The following RTCA variants were observed in gnomAD, a reference collection of about 807,000 sequenced individuals.
The protein encoded by RTCA is RNA 3'-terminal phosphate cyclase.
RTCA carries 37 observed loss-of-function variants against 46.1 expected under a neutral mutation model. The ratio of observed to expected loss-of-function variants is 0.80; its 90% CI spans 0.62 to 1.06. RTCA has a LOEUF of 1.06. Ranked by LOEUF, RTCA falls within the 50% of genes least tolerant of loss-of-function variation. The pLI, the probability that RTCA is intolerant of heterozygous loss-of-function variation, is 0.00. For synonymous variants in RTCA, 164 were observed against 158.3 expected, an observed-to-expected ratio of 1.04 and a Z score of -0.27; for missense variants, 435 against 455.5, an observed-to-expected ratio of 0.95 and a Z score of 0.41.
rs994152218 is a variant in RTCA, at chr1:100,272,893, C to T, written c.415-501C>T. On this transcript the variant is annotated intron_variant, in intron 4 of 10. Coordinates refer to ENST00000370128, the MANE Select transcript of RTCA (RefSeq NM_003729.4). The stretch of plus-strand genomic sequence containing the variant: ...ATCTAATAATGAAAACTTGGAGAAC[C>T]GTTAAGTCAATTAGGCTAGGATGCC... Among the ~76,000 whole-genome samples, 4 of 151,918 alleles carry T rather than the reference C, an allele frequency of 2.6e-5. No homozygotes were observed. The East Asian group carries it at 5.8e-4, about 22-fold the overall frequency.
chr1:100,283,939 A>G (rs1557979402), intron 8 of RTCA, among the ~76,000 whole-genome samples: 2 of 143,850 alleles, frequency 1.4e-5, no homozygotes, highest in East Asian at 4.0e-4. Flanking sequence ...AAAAAAGAAA[A>G]AAAAAAAAAA....
intron 10 of RTCA, among the ~76,000 whole-genome samples, chr1:100,290,534 G>A (rs890681127): frequency 2.6e-5 from 4 of 152,202 alleles, no homozygotes; most frequent in African/African-American, 9.6e-5. Context: ...GCTTTAGGAA[G>A]CTGACGCAGG....
At position 100,291,295 on chromosome 1, in the gene RTCA, T is replaced by C. The variant is rs568951486; in HGVS notation, c.1000-108T>C. The C allele has an allele frequency of 1.9e-4, 123 of 657,876 alleles. No homozygotes were observed. In the African/African-American group the frequency reaches 2.2e-3, roughly 12 times the overall value. 40.8% of individuals were successfully genotyped at this position (657,876 alleles called of 1,614,324 possible). A position where few individuals can be genotyped will look rare whatever the true frequency, so the allele number is the denominator to read the frequency against. On this transcript the variant is annotated intron_variant, in intron 10 of 10. Transcript: ENST00000370128. ...TTGATCTTTGTGTCTCTGTAGGTTT[T>C]TCAATAAAATGGGCTTGACATTAAC...
intron 3 of RTCA, among the ~76,000 whole-genome samples, chr1:100,269,803 A>G (rs1048225308): frequency 1.3e-5 from 2 of 152,046 alleles, no homozygotes; most frequent in African/African-American, 4.8e-5. Flanking sequence ...CCCTGCATGC[A>G]TTAGGTATTT....
intron 3 of RTCA, among the ~76,000 whole-genome samples, chr1:100,269,568 G>A (rs183993454): frequency 1.0e-3 from 157 of 152,050 alleles, no homozygotes; most frequent in African/African-American, 3.2e-3. Context: ...TCCTGGGCTC[G>A]AGTGATCATC....
Position 100,266,643 on chromosome 1 carries a change from G to C in RTCA, c.146+19G>C. On this transcript the variant is annotated intron_variant, in intron 2 of 10. Transcript: ENST00000370128. ...GCCTGAGGTAAATCTGGCTGGAGGG[G>C]GAGTTGGGCCGTGAAGCTGGGGGAT... 1.3e-6 allele frequency: 2 copies of C among 1,591,412 alleles called. No individual in the cohort carries two copies. Among genetic ancestry groups the C allele is most frequent in the Non-Finnish European group, 1.7e-6 (2 of 1,166,232 alleles).
chr1:100,291,457 T>C lies in RTCA; in HGVS notation c.1054T>C (p.Tyr352His). The change falls in exon 11 of 11, where the codon TAT becomes CAT. Residue 352 changes from tyrosine (Y) to histidine (H), a missense_variant. By Grantham distance (83) the Tyr-to-His change is moderately conservative (BLOSUM62 2). Coordinates refer to ENST00000370128, the MANE Select transcript of RTCA (RefSeq NM_003729.4). ...EDEEDAAKDT[Y>H]IIECQGIGMT... ...TGAAGAAGACGCCGCTAAAGATACT[T>C]ATATTATTGAATGCCAAGGAATTGG... 9.3e-6 allele frequency: 15 copies of C among 1,612,502 alleles called. No individual in the cohort carries two copies. Among genetic ancestry groups the C allele is most frequent in the Non-Finnish European group, 1.3e-5 (15 of 1,179,362 alleles).
chr1:100,281,258 A>G (rs190622705), intron 8 of RTCA: 220 of 534,034 alleles, frequency 4.1e-4, no homozygotes, highest in African/African-American at 4.1e-3. Flanking sequence ...TTTATTTTAA[A>G]ACGGTGAGAT....
chr1:100,269,202 AAAG>A (rs1222854755), intron 3 of RTCA, among the ~76,000 whole-genome samples: 1 of 151,958 alleles, frequency 6.6e-6, no homozygotes, highest in Non-Finnish European at 1.5e-5. Flanking sequence ...TGTCTCAAAA[AAAG>A]AAAAGATAAT....
rs150551481 is a variant in RTCA, at chr1:100,281,167, G to C, written c.799+3851G>C. The C allele has an allele frequency of 1.3e-3, 671 of 525,938 alleles. 6 individuals are homozygous for C. Among genetic ancestry groups the C allele is most frequent in the African/African-American group, 0.012 (619 of 51,718 alleles). 32.6% of individuals were successfully genotyped at this position (525,938 alleles called of 1,614,324 possible). A position where few individuals can be genotyped will look rare whatever the true frequency, so the allele number is the denominator to read the frequency against. The stretch of plus-strand genomic sequence containing the variant: ...TTGTCTCAGTTACTATAACCATTTT[G>C]ATCTTAGTTTCCTTATATGTTGAGC... On this transcript the variant is annotated intron_variant, in intron 8 of 10. Coordinates refer to ENST00000370128, the MANE Select transcript of RTCA (RefSeq NM_003729.4).
chr1:100,268,295 GGTAT>G lies in RTCA; in HGVS notation c.290+5_290+8del. On this transcript the variant is annotated splice_donor_variant and splice_donor_region_variant and intron_variant, in intron 3 of 10. Transcript: ENST00000370128. LOFTEE classifies it high-confidence loss of function. Reference sequence around the variant, plus strand: ...CACACAGCAGATACCAAGACAGCAGGGTATGTATCACTTAACATTCCATTTAAGT... The same window carrying G: ...CACACAGCAGATACCAAGACAGCAGGGTATCACTTAACATTCCATTTAAGT... The G allele has an allele frequency of 6.2e-7, 1 of 1,605,040 alleles. No individual in the cohort carries two copies. Among genetic ancestry groups the G allele is most frequent in the Non-Finnish European group, 8.5e-7 (1 of 1,174,682 alleles).
At chr1:100,277,371 T>G in intron 8 of RTCA, 55 bp downstream of exon 8, 6 of 1,441,512 alleles carry the variant, frequency 4.2e-6, no homozygotes, top group Non-Finnish European at 5.7e-6. Flanking sequence ...AATTCTTTAA[T>G]CCATCAGGAT....
intron 4 of RTCA, 56 bp downstream of exon 4, chr1:100,270,736 C>T (rs1666042609): frequency 6.3e-7 from 1 of 1,584,536 alleles, no homozygotes; most frequent in Admixed American, 1.8e-5. Context: ...TTCTGAGTCT[C>T]CATTCTCTAA....
Position 100,277,313 on chromosome 1 carries a change from CGAG to C in RTCA, c.798_799+1del. ...GTTTGCTGGATCATCGCTTGGTAAACGAGGTAAGATAAATGAAGGGGGTCCATA... is the reference window on the plus strand; with the variant it reads ...GTTTGCTGGATCATCGCTTGGTAAACGTAAGATAAATGAAGGGGGTCCATA... On this transcript the variant is annotated inframe_deletion and splice_region_variant, in exon 8 of 11. Transcript: ENST00000370128. The C allele has an allele frequency of 6.2e-7, 1 of 1,610,128 alleles. No individual in the cohort carries two copies. Among genetic ancestry groups the C allele is most frequent in the Non-Finnish European group, 8.5e-7 (1 of 1,178,436 alleles).
intron 8 of RTCA, 23 bp from the exon 9 acceptor site, chr1:100,285,205 T>C: frequency 6.3e-7 from 1 of 1,576,328 alleles, no homozygotes; most frequent in Non-Finnish European, 8.7e-7. Context: ...TTTGTTTTGT[T>C]TTAATGTTGT....
chr1:100,281,186 G>T (rs1666684627), intron 8 of RTCA: 2 of 530,092 alleles, frequency 3.8e-6, no homozygotes, highest in Non-Finnish European at 7.7e-6. Flanking sequence ...TTCCTTATAT[G>T]TTGAGCAAGA....
intron 3 of RTCA, among the ~76,000 whole-genome samples, chr1:100,268,801 G>A (rs1040217918): frequency 1.3e-5 from 2 of 152,128 alleles, no homozygotes; most frequent in Non-Finnish European, 2.9e-5. Flanking sequence ...TCTGTCTTTT[G>A]ATAGCTAAGA....
chr1:100,278,967 A>G (rs1666544864), intron 8 of RTCA, among the ~76,000 whole-genome samples: 1 of 152,200 alleles, frequency 6.6e-6, no homozygotes, highest in African/African-American at 2.4e-5. Context: ...GGTACTTTTA[A>G]TGTATACTGA....
chr1:100,269,496 G>A (rs1244319003), intron 3 of RTCA, among the ~76,000 whole-genome samples: 1 of 151,366 alleles, frequency 6.6e-6, no homozygotes, highest in Non-Finnish European at 1.5e-5. Context: ...ACAATGCCTG[G>A]TTAATTTTTA....
Sources: allele counts gnomAD v4.1 joint callset (sites outside exome capture counted in the v4.1 genomes callset), GRCh38; gene constraint gnomAD v4.1.1; transcripts MANE v1.5; gene names NCBI Gene and HGNC (gene_info 2026-07-23, HGNC 2026-07-21).